ZNF500: variants seen among roughly 807,000 people sequenced by gnomAD.
ZNF500 encodes zinc finger protein 500.
ZNF500 carries 31 observed loss-of-function variants against 30.1 expected under a neutral mutation model. The observed-to-expected ratio is 1.03, with a 90% confidence interval of 0.77 to 1.39. The LOEUF is 1.39. ZNF500 is among the 40% of genes most tolerant of loss of function. The probability of loss-of-function intolerance (pLI) is 0.00; values close to 1 mark genes in which losing one functional copy is unlikely to be tolerated. For synonymous variants in ZNF500, 392 were observed against 282.0 expected, an observed-to-expected ratio of 1.39 and a Z score of -3.91; for missense variants, 817 against 657.8, an observed-to-expected ratio of 1.24 and a Z score of -2.65.
In ZNF500 at chr16:4,751,546, G is replaced by A. The variant is rs2082077797; in HGVS notation, c.*830C>T. On this transcript the variant is annotated 3_prime_UTR_variant, in exon 6 of 6. Coordinates refer to ENST00000219478, the MANE Select transcript of ZNF500 (RefSeq NM_021646.4). ...CCCCGGGCTCCATTTGGAAACTCTG[G>A]CAGGATGAAGAAGCTGGAGACCACG... 6.5e-7 allele frequency: 1 copy of A among 1,529,078 alleles called. No homozygotes were observed. 94.7% of individuals were successfully genotyped at this position (1,529,078 alleles called of 1,614,324 possible).
intron 1 of ZNF500, among the ~76,000 whole-genome samples, chr16:4,766,755 C>T (rs1282317247): frequency 6.6e-6 from 1 of 152,210 alleles, no homozygotes; most frequent in Non-Finnish European, 1.5e-5. Context: ...TCTGCCTCAA[C>T]TTGATCCCCG....
In ZNF500 at chr16:4,765,653, C is replaced by T. The variant is rs769507420; in HGVS notation, c.326G>A (p.Arg109Gln). The T allele has an allele frequency of 7.4e-6, 12 of 1,613,494 alleles. No individual in the cohort carries two copies. Among genetic ancestry groups the T allele is most frequent in the Non-Finnish European group, 9.3e-6 (11 of 1,179,976 alleles). The stretch of plus-strand genomic sequence containing the variant: ...GCTCTCCGGCTGCTGCTCGCGTACC[C>T]GAGCCTGGATCTCCCCCGGCAGCAC... Reference protein sequence around the residue: ...LTVLPGEIQARVREQQPESGE... With the variant: ...LTVLPGEIQAQVREQQPESGE... The change falls in exon 2 of 6, where the codon CGG becomes CAG. Residue 109 changes from arginine to glutamine, a missense_variant. Coordinates refer to ENST00000219478, the MANE Select transcript of ZNF500 (RefSeq NM_021646.4).
chr16:4,746,729 A>G (rs548549926), downstream of ZNF500: 898 of 768,768 alleles, frequency 1.2e-3, 1 homozygote, highest in Middle Eastern at 1.9e-3. Context: ...GCTCTATGCA[A>G]TAGAGCCCAA....
chr16:4,755,348 G>A (rs1046088852), intron 5 of ZNF500, among the ~76,000 whole-genome samples: 2 of 152,034 alleles, frequency 1.3e-5, no homozygotes, highest in Non-Finnish European at 2.9e-5. Flanking sequence ...ATGGAGTCTC[G>A]CTCTGTCTTC....
downstream of ZNF500, among the ~76,000 whole-genome samples, chr16:4,745,852 C>G (rs767068394): frequency 6.6e-6 from 1 of 151,016 alleles, no homozygotes; most frequent in Non-Finnish European, 1.5e-5. Flanking sequence ...ACTTGGGAGG[C>G]TGAGGCAGGA....
downstream of ZNF500, chr16:4,747,117 G>A (rs2082027555): frequency 2.1e-5 from 28 of 1,325,738 alleles, no homozygotes; most frequent in Non-Finnish European, 2.8e-5. Context: ...CGCCTGTGGT[G>A]AGGTCTTGCT....
chr16:4,758,312 C>G (rs973087360), intron 5 of ZNF500: 4 of 152,204 alleles, frequency 2.6e-5, no homozygotes, highest in Non-Finnish European at 4.4e-5. Flanking sequence ...GCCTGTGACC[C>G]TGAGAGGGAA....
rs1214835530 is a variant in ZNF500 at position 4,762,307 on chromosome 16, C to T, written c.627G>A (p.Met209Ile). 2 of 1,611,030 alleles carry T rather than the reference C, an allele frequency of 1.2e-6. No homozygotes were observed. The highest frequency in any genetic ancestry group is 1.7e-6 in the Non-Finnish European group (2 of 1,178,736). The change falls in exon 4 of 6, where the codon ATG becomes ATA. Residue 209 changes from methionine (M) to isoleucine (I), a missense_variant. Transcript: ENST00000219478. ...RGPPAPRHQEMASASPFLSAW... is the reference protein window; with the variant it reads ...RGPPAPRHQEIASASPFLSAW... ...CCGAAAGGAAGGGCGAGGCTGACGC[C>T]ATCTCCTGATGCCGGGGAGCTGGAG... is the stretch of plus-strand genomic sequence containing the variant.
chr16:4,755,986 G>C (rs772768506), intron 5 of ZNF500, among the ~76,000 whole-genome samples: 2 of 152,276 alleles, frequency 1.3e-5, no homozygotes, highest in Non-Finnish European at 2.9e-5. Context: ...CTTTACAGAA[G>C]ACAACCAGAA....
chr16:4,762,556 A>G lies in ZNF500; in HGVS notation c.598+17T>C, dbSNP rs1351390215. On this transcript the variant is annotated intron_variant, in intron 3 of 5. Coordinates refer to ENST00000219478, the MANE Select transcript of ZNF500 (RefSeq NM_021646.4). ...CCCCTGCACCACTTCTCATTCCTCC[A>G]AAGGGGTGCTACTCACCTCTCTCTG... 2 of 1,603,048 alleles carry G rather than the reference A, an allele frequency of 1.2e-6. No individual in the cohort carries two copies. Among genetic ancestry groups the G allele is most frequent in the East Asian group, 2.2e-5 (1 of 44,712 alleles).
At chr16:4,746,799 C>T (rs1033247494), downstream of ZNF500, 54 of 896,976 alleles carry the variant, frequency 6.0e-5, no homozygotes, top group African/African-American at 1.5e-4. Context: ...GGACGTCCAC[C>T]GGCCTCCAGT....
chr16:4,753,330 C>T (rs537457855), intron 5 of ZNF500: 33 of 488,744 alleles, frequency 6.8e-5, no homozygotes, highest in Admixed American at 4.8e-4. Context: ...GGCATGGTGG[C>T]GTGTGCCTGT....
chr16:4,757,446 G>A (rs2082147792), intron 5 of ZNF500, among the ~76,000 whole-genome samples: 1 of 151,976 alleles, frequency 6.6e-6, no homozygotes, highest in South Asian at 2.1e-4. Context: ...TCAAGCAGCT[G>A]GGACTACAGG....
At position 4,767,143 on chromosome 16, in the gene ZNF500, A is replaced by T. The variant is rs1019081295; in HGVS notation, c.-225T>A. 1 of 152,306 alleles carries T rather than the reference A, an allele frequency of 6.6e-6. No homozygotes were observed. Among genetic ancestry groups the T allele is most frequent in the African/African-American group, 2.4e-5 (1 of 41,456 alleles). 9.4% of individuals were successfully genotyped at this position (152,306 alleles called of 1,614,324 possible). The stretch of plus-strand genomic sequence containing the variant: ...GAGCCGGGGCCGAAGACCCTAAACC[A>T]GGGGTGCAAACCAGGCCGTGCGGGT... On this transcript the variant is annotated 5_prime_UTR_variant, in exon 1 of 6. Coordinates refer to ENST00000219478, the MANE Select transcript of ZNF500 (RefSeq NM_021646.4).
intron 1 of ZNF500, 160 bp from the exon 2 acceptor site, chr16:4,766,236 T>G: frequency 2.6e-6 from 1 of 387,780 alleles, no homozygotes; most frequent in Non-Finnish European, 4.6e-6. Context: ...CCCCTGTTAA[T>G]TCCCGGGTAA....
At chr16:4,758,300 A>T (rs2082160196) in intron 5 of ZNF500, 2 of 152,064 alleles carry the variant, frequency 1.3e-5, no homozygotes, top group Non-Finnish European at 2.9e-5. Context: ...ACCCAAACAC[A>T]TGCCTGTGAC....
chr16:4,756,928 A>T (rs974557103), intron 5 of ZNF500, among the ~76,000 whole-genome samples: 1 of 151,958 alleles, frequency 6.6e-6, no homozygotes, highest in African/African-American at 2.4e-5. Context: ...AGCTGCAGTG[A>T]GTCAAAATTG....
intron 3 of ZNF500, 86 bp from the exon 4 acceptor site, chr16:4,762,421 C>A: frequency 6.6e-7 from 1 of 1,523,412 alleles, no homozygotes; most frequent in African/African-American, 1.4e-5. Context: ...CCCAACAGCC[C>A]GGCGGCTGCC....
In ZNF500 at chr16:4,752,476, C is replaced by G. The variant is rs552222304; in HGVS notation, c.1343G>C (p.Arg448Pro). Residue 448 changes from arginine to proline, a missense_variant, in exon 6 of 6, where the codon CGG becomes CCG. Physicochemically the swap from Arg to Pro is moderately radical, Grantham distance 103. Coordinates refer to ENST00000219478, the MANE Select transcript of ZNF500 (RefSeq NM_021646.4). ...TCPACGRGFRRGTDLHKHQRT... is the reference protein window; with the variant it reads ...TCPACGRGFRPGTDLHKHQRT... ...CTGGTGCTTGTGCAGGTCGGTGCCCCGGCGGAAGCCCCGGCCACAGGCCGG... is the reference window on the plus strand; with the variant it reads ...CTGGTGCTTGTGCAGGTCGGTGCCCGGGCGGAAGCCCCGGCCACAGGCCGG... The G allele has an allele frequency of 1.3e-6, 2 of 1,545,228 alleles. No individual in the cohort carries two copies. Among genetic ancestry groups the G allele is most frequent in the Middle Eastern group, 3.4e-4 (2 of 5,900 alleles).
Sources: allele counts gnomAD v4.1 joint callset (sites outside exome capture counted in the v4.1 genomes callset), GRCh38; gene constraint gnomAD v4.1.1; transcripts MANE v1.5; gene names NCBI Gene and HGNC (gene_info 2026-07-23, HGNC 2026-07-21).